ITGB6: variants seen among roughly 807,000 people sequenced by gnomAD.
ITGB6 encodes the protein integrin beta-6.
In ITGB6, 80 loss-of-function variants were observed where a neutral mutation model predicts 84.5. The ratio of observed to expected loss-of-function variants is 0.95; its 90% CI spans 0.79 to 1.14. The LOEUF (loss-of-function observed/expected upper bound fraction) is 1.14, where lower values mean the gene tolerates loss of function less well. Among genes scored for constraint, ITGB6 ranks in the 50% most tolerant of loss-of-function variants. The pLI is 0.00. For synonymous variants in ITGB6, 383 were observed against 354.9 expected, an observed-to-expected ratio of 1.08 and a Z score of -0.89; for missense variants, 1,006 against 968.0, an observed-to-expected ratio of 1.04 and a Z score of -0.52.
At position 160,172,707 on chromosome 2, in the gene ITGB6, G is replaced by A. The variant is rs2305818; in HGVS notation, c.783C>T (p.Asp261=). The change falls in exon 6 of 15, where the codon GAC becomes GAT. Residue 261 remains aspartate, a synonymous_variant. Coordinates refer to ENST00000283249, the MANE Select transcript of ITGB6 (RefSeq NM_000888.5). Reference sequence around the variant, plus strand: ...TCACAAAGACCAGGAGGTGGAGGGAGTCATTCCGCCAGCCAATTTTTTCCT... The same window carrying A: ...TCACAAAGACCAGGAGGTGGAGGGAATCATTCCGCCAGCCAATTTTTTCCT... ...VCKEKIGWRN[D]SLHLLVFVSD... 611,546 of 1,594,430 alleles carry A rather than the reference G, an allele frequency of 0.38. 125,539 individuals are homozygous for A. The highest frequency in any genetic ancestry group is 0.43 in the Non-Finnish European group (495,544 of 1,163,484).
chr2:160,129,120 C>T (rs1348953679), intron 10 of ITGB6, among the ~76,000 whole-genome samples: 1 of 152,030 alleles, frequency 6.6e-6, no homozygotes, highest in Non-Finnish European at 1.5e-5. Context: ...TTGCAGAGGC[C>T]TGAGGCAGAC....
At position 160,199,292 on chromosome 2, in the gene ITGB6, G is replaced by C. The variant is rs1430464064; in HGVS notation, c.62-34C>G. 3 of 1,519,928 alleles carry C rather than the reference G, an allele frequency of 2.0e-6. 1 individual carries two copies. In the South Asian group the frequency reaches 3.4e-5, roughly 17 times the overall value. The allele number at this position is 1,519,928 out of a possible 1,614,324, so 94.2% of individuals were successfully genotyped here. On this transcript the variant is annotated intron_variant, in intron 1 of 14. Transcript: ENST00000283249. ...AGACCCAGCAAGATGCAGGGATTAA[G>C]TACACTTTCAGTCATTCCATTTATG...
chr2:160,189,332 C>T (rs1006350722), intron 4 of ITGB6, among the ~76,000 whole-genome samples: 4 of 152,144 alleles, frequency 2.6e-5, no homozygotes, highest in Non-Finnish European at 1.5e-5. Flanking sequence ...GCAATGGCAA[C>T]AAAAGCCAAA....
chr2:160,159,484 C>G (rs1222290859), intron 7 of ITGB6, among the ~76,000 whole-genome samples: 2 of 152,094 alleles, frequency 1.3e-5, no homozygotes, highest in African/African-American at 4.8e-5. Context: ...ACATCTATAC[C>G]CAGCAACAAA....
intron 10 of ITGB6, among the ~76,000 whole-genome samples, chr2:160,128,712 G>A (rs1683335076): frequency 6.6e-6 from 1 of 152,206 alleles, no homozygotes; most frequent in Non-Finnish European, 1.5e-5. Flanking sequence ...AGACTGAGCA[G>A]CCAGATGGAT....
At chr2:160,154,974 G>A (rs758503490) in intron 7 of ITGB6, among the ~76,000 whole-genome samples, 6 of 152,090 alleles carry the variant, frequency 3.9e-5, no homozygotes, top group Admixed American at 1.3e-4. Flanking sequence ...TGCTGTTTTC[G>A]TGATAGTGAG....
At chr2:160,173,716 G>A (rs1685304405) in intron 5 of ITGB6, among the ~76,000 whole-genome samples, 1 of 151,818 alleles carries the variant, frequency 6.6e-6, no homozygotes. Flanking sequence ...AATCAATCAT[G>A]CATAGCTATT....
intron 4 of ITGB6, among the ~76,000 whole-genome samples, chr2:160,180,116 A>G (rs1685603669): frequency 6.7e-6 from 1 of 149,036 alleles, no homozygotes; most frequent in Admixed American, 6.6e-5. Context: ...TCCACCTCAA[A>G]AAAAAAAAAA....
intron 6 of ITGB6, among the ~76,000 whole-genome samples, chr2:160,171,344 T>TG (rs1260431230): frequency 3.4e-5 from 5 of 149,152 alleles, no homozygotes; most frequent in Non-Finnish European, 7.5e-5. Context: ...TTTATTTTTT[T>TG]TTTTTTTGGA....
intron 10 of ITGB6, among the ~76,000 whole-genome samples, chr2:160,131,758 A>G (rs1391858975): frequency 6.6e-6 from 1 of 152,162 alleles, no homozygotes; most frequent in Non-Finnish European, 1.5e-5. Flanking sequence ...TAGCTAAATA[A>G]ATCGTATTTT....
chr2:160,192,436 C>T (rs1252751748), intron 4 of ITGB6, among the ~76,000 whole-genome samples: 3 of 152,154 alleles, frequency 2.0e-5, no homozygotes, highest in African/African-American at 7.2e-5. Flanking sequence ...AAAAGATGAA[C>T]CTAGACCTTC....
chr2:160,123,210 C>T (rs1001516811), intron 12 of ITGB6, among the ~76,000 whole-genome samples: 5 of 152,102 alleles, frequency 3.3e-5, no homozygotes, highest in Admixed American at 6.6e-5. Context: ...TTTGCTTAGC[C>T]GTTAAAGAGA....
At chr2:160,161,458 T>C (rs1446645343) in intron 7 of ITGB6, among the ~76,000 whole-genome samples, 1 of 152,076 alleles carries the variant, frequency 6.6e-6, no homozygotes, top group Non-Finnish European at 1.5e-5. Context: ...ACTTGGCTGA[T>C]TTTTGTATTT....
At chr2:160,169,450 T>A in intron 6 of ITGB6, 143 bp from the exon 7 acceptor site, 1 of 542,728 alleles carries the variant, frequency 1.8e-6, no homozygotes, top group South Asian at 2.6e-5. Context: ...AGTAAACAAA[T>A]ACACAATTAG....
chr2:160,154,304 C>A lies in ITGB6; in HGVS notation c.1018-12233G>T, dbSNP rs585868. Among the ~76,000 whole-genome samples, 1,325 of 152,102 alleles carry A rather than the reference C, an allele frequency of 8.7e-3. 27 individuals carry two copies. Among genetic ancestry groups the A allele is most frequent in the African/African-American group, 0.031 (1,279 of 41,468 alleles). ...TTTAGGGACATGGATGAAGCTGGAA[C>A]CCATCATTCTCAGCAAACTATCACA... On this transcript the variant is annotated intron_variant, in intron 7 of 14. Coordinates refer to ENST00000283249, the MANE Select transcript of ITGB6 (RefSeq NM_000888.5).
intron 7 of ITGB6, among the ~76,000 whole-genome samples, chr2:160,148,095 C>T (rs991758810): frequency 3.9e-5 from 6 of 152,060 alleles, no homozygotes; most frequent in African/African-American, 1.2e-4. Context: ...CCAAAATATA[C>T]AAAGAACTCT....
chr2:160,195,397 T>G lies in ITGB6; in HGVS notation c.565A>C (p.Thr189Pro). The G allele has an allele frequency of 1.2e-6, 2 of 1,614,206 alleles. No homozygotes were observed. Among genetic ancestry groups the G allele is most frequent in the Non-Finnish European group, 1.7e-6 (2 of 1,180,006 alleles). Residue 189 changes from threonine to proline, a missense_variant, in exon 4 of 15, where the codon ACA becomes CCA. Thr to Pro is a conservative substitution (Grantham distance 38, BLOSUM62 -1). Coordinates refer to ENST00000283249, the MANE Select transcript of ITGB6 (RefSeq NM_000888.5). ...EKPVSPFVKT[T>P]PEEIANPCSS... ...CAAGGGTTGGCAATTTCTTCTGGTGTTGTTTTCACAAAAGGGGATACAGGT... is the reference window on the plus strand; with the variant it reads ...CAAGGGTTGGCAATTTCTTCTGGTGGTGTTTTCACAAAAGGGGATACAGGT...
chr2:160,117,642 GA>G (rs1408573958), intron 12 of ITGB6, among the ~76,000 whole-genome samples: 1 of 152,110 alleles, frequency 6.6e-6, no homozygotes, highest in Non-Finnish European at 1.5e-5. Context: ...AAAGCTAGCA[GA>G]AGGCAAGAAA....
At chr2:160,135,505 T>A (rs1447961170) in intron 10 of ITGB6, among the ~76,000 whole-genome samples, 3 of 151,736 alleles carry the variant, frequency 2.0e-5, no homozygotes, top group Non-Finnish European at 4.4e-5. Context: ...TTCAATGCCA[T>A]CCCCATCAAG....
Sources: allele counts gnomAD v4.1 joint callset (sites outside exome capture counted in the v4.1 genomes callset), GRCh38; gene constraint gnomAD v4.1.1; transcripts MANE v1.5; gene names NCBI Gene and HGNC (gene_info 2026-07-23, HGNC 2026-07-21).